The following UBXN2A variants were observed in gnomAD, a reference collection of about 807,000 sequenced individuals.
The protein encoded by UBXN2A is UBX domain-containing protein 2A.
A neutral mutation model predicts 28.4 loss-of-function variants in UBXN2A; 28 were observed. The ratio of observed to expected loss-of-function variants is 0.99; its 90% confidence interval spans 0.73 to 1.35. The LOEUF (loss-of-function observed/expected upper bound fraction) is 1.35, where lower values mean the gene tolerates loss of function less well. Ranked by LOEUF, UBXN2A falls within the 40% of genes most tolerant of loss-of-function variation. The probability of loss-of-function intolerance (pLI) is 0.00; values close to 1 mark genes in which losing one functional copy is unlikely to be tolerated. For synonymous variants in UBXN2A, 97 were observed against 103.6 expected (o/e 0.94, Z 0.39); for missense variants, 253 against 297.9 (o/e 0.85, Z 1.11).
chr2:23,965,708 G>A lies in UBXN2A; in HGVS notation c.42-5568G>A, dbSNP rs545069830. On this transcript the variant is annotated intron_variant, in intron 2 of 6. Transcript: ENST00000309033. ...TGTAATGTCTTTGGTTTTAGTATTA[G>A]CATAGTGTTATCCTCGTAGAATGAG... Among the ~76,000 whole-genome samples, 5 of 152,238 alleles carry A rather than the reference G, an allele frequency of 3.3e-5. No individual in the cohort carries two copies. The South Asian group carries it at 6.2e-4, about 19-fold the overall frequency.
intron 6 of UBXN2A, among the ~76,000 whole-genome samples, chr2:23,999,320 G>A (rs545679663): frequency 4.6e-5 from 7 of 152,220 alleles, no homozygotes; most frequent in South Asian, 4.1e-4. Context: ...TCTTACCTAA[G>A]ATAATTAACA....
intron 2 of UBXN2A, among the ~76,000 whole-genome samples, chr2:23,967,825 T>G (rs1007279824): frequency 2.0e-5 from 3 of 152,164 alleles, no homozygotes; most frequent in South Asian, 2.1e-4. Context: ...TATGGAGTAT[T>G]TTAAGAGTAT....
intron 1 of UBXN2A, among the ~76,000 whole-genome samples, chr2:23,927,941 CG>C (rs1266422533): frequency 6.6e-6 from 1 of 151,832 alleles, no homozygotes; most frequent in African/African-American, 2.4e-5. Flanking sequence ...TTTGGGAGGC[CG>C]GGGTGGGTGG....
upstream of UBXN2A, among the ~76,000 whole-genome samples, chr2:23,940,131 G>A (rs1453271282): frequency 1.4e-5 from 2 of 142,154 alleles, no homozygotes; most frequent in Non-Finnish European, 3.1e-5. Context: ...AAAAAAAAAG[G>A]TGGGTGGGGG....
At chr2:23,985,832 CA>C (rs1162325681) in intron 6 of UBXN2A, among the ~76,000 whole-genome samples, 2 of 151,860 alleles carry the variant, frequency 1.3e-5, no homozygotes, top group South Asian at 2.1e-4. Context: ...CTCGTGTCTA[CA>C]AAAAAATTTT....
At chr2:23,975,410 A>G (rs1180960723) in intron 3 of UBXN2A, among the ~76,000 whole-genome samples, 1 of 151,810 alleles carries the variant, frequency 6.6e-6, no homozygotes, top group East Asian at 1.9e-4. Flanking sequence ...TTATTAAAAA[A>G]AACATTTCAA....
chr2:23,961,347 C>T (rs185933745), intron 2 of UBXN2A, among the ~76,000 whole-genome samples: 64 of 151,358 alleles, frequency 4.2e-4, no homozygotes, highest in Middle Eastern at 3.4e-3. Context: ...CCGCCCACCT[C>T]GGCCTCCCAA....
intron 6 of UBXN2A, among the ~76,000 whole-genome samples, chr2:23,995,653 A>G (rs1047379640): frequency 1.3e-5 from 2 of 151,152 alleles, no homozygotes; most frequent in Non-Finnish European, 2.9e-5. Context: ...AGATCACGCC[A>G]CTGCACTCCA....
In UBXN2A at chr2:23,959,395, G is replaced by A. The variant is rs554801530; in HGVS notation, c.41+1040G>A. On this transcript the variant is annotated intron_variant, in intron 2 of 6. Coordinates refer to ENST00000309033, the MANE Select transcript of UBXN2A (RefSeq NM_181713.4). ...TAGTCCCAGCTACTCAGGAGGCTGA[G>A]GCAGGAGAATTGCTTGAACCTTAGA... 4.6e-5 allele frequency among the ~76,000 whole-genome samples: 7 copies of A among 152,216 alleles called. No individual in the cohort carries two copies. The South Asian group carries it at 1.4e-3, about 32-fold the overall frequency.
intron 2 of UBXN2A, among the ~76,000 whole-genome samples, chr2:23,968,739 G>T (rs551725753): frequency 6.6e-6 from 1 of 150,590 alleles, no homozygotes; most frequent in South Asian, 2.1e-4. Context: ...ATAAAAGTAT[G>T]ATTTATAATA....
intron 2 of UBXN2A, among the ~76,000 whole-genome samples, chr2:23,961,480 G>T (rs1197529004): frequency 2.0e-5 from 3 of 149,132 alleles, no homozygotes; most frequent in Non-Finnish European, 4.4e-5. Flanking sequence ...AACAAAAGTG[G>T]ATTTGTAAAA....
rs1432114676 is a variant in UBXN2A, at chr2:23,998,798, C to CA, written c.585-873dup. ...AGGTTAGGGTACGGTGACATGATCT[C>CA]AGCTCACTGCAACCTTCGTCTCCCG... is the stretch of plus-strand genomic sequence containing the variant. On this transcript the variant is annotated intron_variant, in intron 6 of 6. Transcript: ENST00000309033. Among the ~76,000 whole-genome samples the CA allele has an allele frequency of 8.5e-5, 13 of 152,160 alleles. No homozygotes were observed. In the East Asian group the frequency reaches 2.5e-3, roughly 29 times the overall value.
intron 6 of UBXN2A, among the ~76,000 whole-genome samples, chr2:23,998,099 A>C (rs1212464383): frequency 6.6e-6 from 1 of 152,182 alleles, no homozygotes; most frequent in Non-Finnish European, 1.5e-5. Context: ...GGCGTGAGCC[A>C]CCACACCTGG....
upstream of UBXN2A, among the ~76,000 whole-genome samples, chr2:23,938,048 T>TA (rs1705581202): frequency 2.6e-5 from 4 of 152,216 alleles, no homozygotes; most frequent in Non-Finnish European, 5.9e-5. Flanking sequence ...CACCATCACA[T>TA]ATGCTGTAAG....
intron 2 of UBXN2A, among the ~76,000 whole-genome samples, chr2:23,959,989 A>T (rs1158571323): frequency 2.0e-5 from 3 of 152,132 alleles, no homozygotes; most frequent in African/African-American, 4.8e-5. Context: ...GCAGTGCCTC[A>T]TGCCTGTAAT....
At chr2:23,953,590 G>A (rs139894065) in intron 1 of UBXN2A, among the ~76,000 whole-genome samples, 1,644 of 151,902 alleles carry the variant, frequency 0.011, 16 homozygotes, top group Middle Eastern at 0.037. Context: ...TTTTTTTTAC[G>A]GTTGATTTGT....
rs1708769308 is a variant in UBXN2A at position 24,004,755 on chromosome 2, A to G, written c.*4888A>G. 6.6e-6 allele frequency: 1 copy of G among 150,762 alleles called. No individual in the cohort carries two copies. Among genetic ancestry groups the G allele is most frequent in the Non-Finnish European group, 1.5e-5 (1 of 67,114 alleles). 9.3% of individuals were successfully genotyped at this position (150,762 alleles called of 1,614,324 possible). On this transcript the variant is annotated 3_prime_UTR_variant, in exon 7 of 7. Coordinates refer to ENST00000309033, the MANE Select transcript of UBXN2A (RefSeq NM_181713.4). ...AGTTTAAAAAATAATCTTATTTTATATACTTCTCTCGGTATAATTTTTCAT... is the reference window on the plus strand; with the variant it reads ...AGTTTAAAAAATAATCTTATTTTATGTACTTCTCTCGGTATAATTTTTCAT...
chr2:23,997,614 G>C (rs111734699), intron 6 of UBXN2A, among the ~76,000 whole-genome samples: 1 of 151,200 alleles, frequency 6.6e-6, no homozygotes. Flanking sequence ...CACCCAGCTA[G>C]TTTTTGTATT....
upstream of UBXN2A, chr2:23,939,727 C>T (rs1194002159): frequency 6.6e-6 from 1 of 152,404 alleles, no homozygotes; most frequent in Non-Finnish European, 1.5e-5. Flanking sequence ...GGGTCTGGGC[C>T]TGACCTTGTC....
Sources: gnomAD v4.1 joint callset for allele counts (sites outside exome capture counted in the v4.1 genomes callset) on GRCh38, gnomAD v4.1.1 for gene constraint, MANE v1.5 for transcripts, NCBI Gene and HGNC (gene_info 2026-07-23, HGNC 2026-07-21) for gene names.